Variants in IWS1 observed in about 807,000 individuals in gnomAD.
IWS1 encodes interacts with SUPT6H, CTD assembly factor 1, also known as protein IWS1 homolog.
Under a neutral mutation model 86.7 loss-of-function variants are expected in IWS1, and 27 were observed. The ratio of observed to expected loss-of-function variants is 0.31; its 90% CI spans 0.23 to 0.43. The LOEUF is 0.43. IWS1 is among the 20% of genes least tolerant of loss of function. The pLI is 1.00. For missense variants in IWS1, 827 were observed against 1,000.8 expected (o/e 0.83, Z 2.34); for synonymous variants, 313 against 335.1 (o/e 0.93, Z 0.72).
At chr2:127,514,178 G>A (rs1312042724) in intron 2 of IWS1, 1 of 154,200 alleles carries the variant, frequency 6.5e-6, no homozygotes, top group African/African-American at 2.4e-5. Flanking sequence ...CACACATTGG[G>A]GACAACCCAC....
At chr2:127,485,672 T>C (rs1451276413) in intron 13 of IWS1, among the ~76,000 whole-genome samples, 1 of 152,210 alleles carries the variant, frequency 6.6e-6, no homozygotes, top group Non-Finnish European at 1.5e-5. Context: ...CTCTCTAGGA[T>C]ACTGATAAAG....
chr2:127,490,320 A>C (rs537869798), intron 10 of IWS1, among the ~76,000 whole-genome samples: 3 of 152,226 alleles, frequency 2.0e-5, no homozygotes, highest in Non-Finnish European at 4.4e-5. Flanking sequence ...AAGTCTTGAA[A>C]TTCTGCTTTC....
At chr2:127,517,274 C>T (rs759288839) in intron 2 of IWS1, among the ~76,000 whole-genome samples, 4 of 152,272 alleles carry the variant, frequency 2.6e-5, no homozygotes, top group Non-Finnish European at 4.4e-5. Flanking sequence ...GGTAACTCCA[C>T]GAGACCCAGA....
chr2:127,522,869 C>G (rs1473128286), intron 2 of IWS1, among the ~76,000 whole-genome samples: 2 of 152,146 alleles, frequency 1.3e-5, no homozygotes, highest in African/African-American at 4.8e-5. Context: ...AAAATGTACA[C>G]AAAACCCAAT....
rs757098118 is a variant in IWS1 at position 127,504,813 on chromosome 2, C to T, written c.1090G>A (p.Asp364Asn). ...HMDRKKFHSS[D>N]SEEEEHKKQK... ...TTTTTGTGTTCTTCCTCCTCACTAT[C>T]AGAACTGTGAAACTTTTTTCTGTCC... Residue 364 changes from aspartate to asparagine, a missense_variant, in exon 3 of 14, where the codon GAT (aspartate) becomes AAT (asparagine). Physicochemically the swap from Asp to Asn is conservative, Grantham distance 23 (BLOSUM62 1). This residue lies in a region of IWS1 where 548 missense variants were observed against 560.2 expected (regional missense o/e 0.98). Coordinates refer to ENST00000295321, the MANE Select transcript of IWS1 (RefSeq NM_017969.3). 3.1e-6 allele frequency: 5 copies of T among 1,614,080 alleles called. No homozygotes were observed. In the Admixed American group the frequency reaches 6.7e-5, roughly 22 times the overall value.
At chr2:127,496,526 A>C (rs1035354574) in intron 6 of IWS1, among the ~76,000 whole-genome samples, 1 of 148,264 alleles carries the variant, frequency 6.7e-6, no homozygotes, top group Non-Finnish European at 1.5e-5. Flanking sequence ...CAAGTACTCT[A>C]AACAGGTGTA....
intron 13 of IWS1, among the ~76,000 whole-genome samples, chr2:127,483,211 T>C (rs1178984084): frequency 6.6e-6 from 1 of 152,274 alleles, no homozygotes; most frequent in Non-Finnish European, 1.5e-5. Flanking sequence ...TTTGTCATTT[T>C]ACTGTTATTT....
At chr2:127,510,284 T>C (rs1273162593) in intron 2 of IWS1, among the ~76,000 whole-genome samples, 1 of 152,164 alleles carries the variant, frequency 6.6e-6, no homozygotes, top group Non-Finnish European at 1.5e-5. Context: ...TACATAATGC[T>C]GTCAATCCAA....
intron 2 of IWS1, among the ~76,000 whole-genome samples, chr2:127,516,354 T>TAC (rs1032111974): frequency 4.0e-5 from 6 of 151,522 alleles, no homozygotes; most frequent in African/African-American, 1.5e-4. Flanking sequence ...GCCCCCGCAA[T>TAC]ACACACACAC....
chr2:127,502,776 AG>A, intron 5 of IWS1, 38 bp downstream of exon 5: 2 of 1,161,536 alleles, frequency 1.7e-6, no homozygotes, highest in Non-Finnish European at 2.6e-6. Flanking sequence ...ACCAAAAAAA[AG>A]CACAATCAAG....
In IWS1 at chr2:127,498,190, T is replaced by C; in HGVS notation, c.1515A>G (p.Val505=). The change falls in exon 6 of 14, where the codon GTA becomes GTG. Residue 505 remains valine (V), a synonymous_variant. Transcript: ENST00000295321. ...CAGAATCTGAATCTTCTGCTTCTTT[T>C]ACCTGTGTTTCACCTTTTTCTTCTT... ...DLEEEKGETQ[V]KEAEDSDSDD... is the part of the protein sequence containing the mutation. 2 of 1,588,816 alleles carry C rather than the reference T, an allele frequency of 1.3e-6. No individual in the cohort carries two copies. The highest frequency in any genetic ancestry group is 1.3e-5 in the African/African-American group (1 of 74,610).
intron 6 of IWS1, 136 bp downstream of exon 6, chr2:127,498,004 C>T (rs915971959): frequency 1.3e-5 from 8 of 622,522 alleles, no homozygotes; most frequent in Admixed American, 3.2e-5. Flanking sequence ...CTGACAACAC[C>T]GTAAATGGAG....
chr2:127,503,333 C>T (rs1287350977), intron 4 of IWS1, 54 bp downstream of exon 4: 7 of 1,342,882 alleles, frequency 5.2e-6, no homozygotes, highest in East Asian at 2.3e-5. Context: ...ACACAGACCC[C>T]TCTCTACTGC....
intron 2 of IWS1, among the ~76,000 whole-genome samples, chr2:127,519,486 T>C (rs1691967455): frequency 6.6e-6 from 1 of 151,764 alleles, no homozygotes; most frequent in East Asian, 1.9e-4. Flanking sequence ...TGTGTGTGTG[T>C]GTGTGCGTGT....
At chr2:127,516,631 C>T (rs1573561699) in intron 2 of IWS1, among the ~76,000 whole-genome samples, 1 of 152,106 alleles carries the variant, frequency 6.6e-6, no homozygotes, top group Non-Finnish European at 1.5e-5. Context: ...CATGATGGTA[C>T]GCAACTGTAG....
At chr2:127,515,150 C>T (rs974328037) in intron 2 of IWS1, among the ~76,000 whole-genome samples, 1 of 152,072 alleles carries the variant, frequency 6.6e-6, no homozygotes. Context: ...TTTATTACAC[C>T]TCATTTGTCC....
chr2:127,493,368 AG>A lies in IWS1; in HGVS notation c.1841del (p.Ser614LeufsTer25). 1 of 1,613,270 alleles carries A rather than the reference AG, an allele frequency of 6.2e-7. No homozygotes were observed. On this transcript the variant is annotated frameshift_variant, in exon 9 of 14. Transcript: ENST00000295321. LOFTEE classifies it high-confidence loss of function. ...GAGGTGAGAGCCATTCTTTGATGGC[AG>A]ACATCACACCACTGTCAATGAATGT... Reference protein sequence around the residue: ...KETFIDSGVMSAIKEWLSPLP... With the variant: ...KETFIDSGVMXAIKEWLSPLP...
Position 127,489,793 on chromosome 2 carries a change from T to TA in IWS1, c.2159+38dup, listed in dbSNP as rs1690125901. ...ACTTAAAACTGAGTTACTGCAACAA[T>TA]AACGTGTATTCCACTTACTCATACC... On this transcript the variant is annotated intron_variant, in intron 11 of 13. Transcript: ENST00000295321. This position sits in a 1 kb window ranked among gnomAD's most constrained non-coding sequence, Gnocchi z 4.8. 1.8e-6 allele frequency: 2 copies of TA among 1,093,356 alleles called. No homozygotes were observed. Among genetic ancestry groups the TA allele is most frequent in the Middle Eastern group, 2.0e-4 (1 of 5,072 alleles). 67.7% of individuals were successfully genotyped at this position (1,093,356 alleles called of 1,614,324 possible). A position where few individuals can be genotyped will look rare whatever the true frequency, so the allele number is the denominator to read the frequency against.
rs890957406 is a variant in IWS1, at chr2:127,502,981, T to A, written c.1410-109A>T. 6 of 660,844 alleles carry A rather than the reference T, an allele frequency of 9.1e-6. No homozygotes were observed. The Admixed American group carries it at 1.2e-4, about 14-fold the overall frequency. The allele number at this position is 660,844 out of a possible 1,614,324, so 40.9% of individuals were successfully genotyped here. A position where few individuals can be genotyped will look rare whatever the true frequency, so the allele number is the denominator to read the frequency against. On this transcript the variant is annotated intron_variant, in intron 4 of 13. Transcript: ENST00000295321. The stretch of plus-strand genomic sequence containing the variant: ...TACAGTAAAATGTGCAGATCTTCAG[T>A]GTTCAGTTCAATGAGTTTTAACAAA...
Sources: gnomAD v4.1 joint callset for allele counts (sites outside exome capture counted in the v4.1 genomes callset) on GRCh38, gnomAD v4.1.1 for gene constraint, gnomAD v4.1.1 regional missense constraint, Gnocchi (gnomAD v3.1) non-coding constraint, MANE v1.5 for transcripts, NCBI Gene and HGNC (gene_info 2026-07-23, HGNC 2026-07-21) for gene names.